Variants in PACRG observed in about 807,000 individuals in gnomAD.
PACRG encodes the protein parkin coregulated.
A neutral mutation model predicts 29.7 loss-of-function variants in PACRG; 29 were observed. That is an observed-to-expected ratio of 0.98 (90% CI 0.73 to 1.33). The LOEUF (loss-of-function observed/expected upper bound fraction) is 1.33, where lower values mean the gene tolerates loss of function less well. PACRG is among the 40% of genes most tolerant of loss of function. PACRG has a pLI of 0.00. For synonymous variants in PACRG, 116 were observed against 118.7 expected (o/e 0.98, Z 0.15); for missense variants, 279 against 316.2 (o/e 0.88, Z 0.89).
chr6:163,174,653 A>G (rs1404235813), intron 4 of PACRG, among the ~76,000 whole-genome samples: 1 of 152,160 alleles, frequency 6.6e-6, no homozygotes, highest in African/African-American at 2.4e-5. Context: ...GAGTTTGTCA[A>G]TCATCATTGT....
intron 2 of PACRG, among the ~76,000 whole-genome samples, chr6:163,017,450 T>A (rs1287810774): frequency 3.3e-5 from 5 of 152,130 alleles, no homozygotes; most frequent in Non-Finnish European, 7.4e-5. Context: ...TACGAATCTC[T>A]TTTGCAGCCT....
At chr6:163,192,093 A>C (rs550732792) in intron 4 of PACRG, 1 of 193,668 alleles carries the variant, frequency 5.2e-6, no homozygotes, top group East Asian at 1.5e-4. Flanking sequence ...CTGCCTCCAG[A>C]GTCTCTGGGG....
At chr6:163,239,388 C>T (rs931855974) in intron 4 of PACRG, among the ~76,000 whole-genome samples, 4 of 152,066 alleles carry the variant, frequency 2.6e-5, no homozygotes, top group South Asian at 2.1e-4. Flanking sequence ...GCTTGCCTGG[C>T]GTCTTGGTTT....
intron 2 of PACRG, among the ~76,000 whole-genome samples, chr6:162,974,665 AATG>A (rs892026993): frequency 2.0e-5 from 3 of 152,186 alleles, no homozygotes; most frequent in Non-Finnish European, 2.9e-5. Flanking sequence ...TTCCTTAAAT[AATG>A]ATGATGATAT....
rs576639728 is a variant in PACRG at position 162,895,118 on chromosome 6, A to T, written c.291+80837A>T. Among the ~76,000 whole-genome samples the T allele has an allele frequency of 5.3e-5, 8 of 151,686 alleles. No individual in the cohort carries two copies. In the South Asian group the frequency reaches 1.5e-3, roughly 28 times the overall value. ...CTCTACCCCCCCGCCCCCAAAAAAA[A>T]ATTTAGCCATGTGTGGTGGCATGCG... On this transcript the variant is annotated intron_variant, in intron 2 of 4. Coordinates refer to ENST00000366888, the MANE Select transcript of PACRG (RefSeq NM_001080379.2).
intron 1 of PACRG, among the ~76,000 whole-genome samples, chr6:162,771,528 G>A (rs1273743773): frequency 6.6e-6 from 1 of 152,056 alleles, no homozygotes; most frequent in Non-Finnish European, 1.5e-5. Context: ...CTTCAGTGCA[G>A]CATCCACTAC....
Position 163,055,959 on chromosome 6 carries a change from C to T in PACRG, c.292-6191C>T, listed in dbSNP as rs1238748155. ...TATGTGGTCTTTTGTGACTGTCCTC[C>T]TTCGCTTAGGAAAATGTTTTCAAGG... On this transcript the variant is annotated intron_variant, in intron 2 of 4. Transcript: ENST00000366888. This position sits in a 1 kb window ranked among gnomAD's most constrained non-coding sequence, Gnocchi z 4.0. Among the ~76,000 whole-genome samples the T allele has an allele frequency of 6.6e-6, 1 of 152,208 alleles. No homozygotes were observed. Among genetic ancestry groups the T allele is most frequent in the Non-Finnish European group, 1.5e-5 (1 of 68,048 alleles).
intron 4 of PACRG, among the ~76,000 whole-genome samples, chr6:163,206,721 A>G (rs899052593): frequency 7.1e-6 from 1 of 140,836 alleles, no homozygotes; most frequent in Non-Finnish European, 1.5e-5. Context: ...CAAAAAAGAA[A>G]TATTTCTCAG....
At chr6:163,001,200 G>A (rs1804558203) in intron 2 of PACRG, among the ~76,000 whole-genome samples, 1 of 152,234 alleles carries the variant, frequency 6.6e-6, no homozygotes, top group Non-Finnish European at 1.5e-5. Flanking sequence ...TAACCTATTT[G>A]ATGCACTGTC....
chr6:163,166,137 C>T, intron 4 of PACRG: 2 of 456,196 alleles, frequency 4.4e-6, no homozygotes, highest in South Asian at 3.1e-5. Flanking sequence ...TTCTGGGCAG[C>T]GTCGCTTGCG....
chr6:163,208,231 A>G (rs1780987443), intron 4 of PACRG, among the ~76,000 whole-genome samples: 1 of 152,222 alleles, frequency 6.6e-6, no homozygotes, highest in South Asian at 2.1e-4. Context: ...TCTGTAAAGA[A>G]CTGAAACCAC....
intron 1 of PACRG, among the ~76,000 whole-genome samples, chr6:162,786,228 CTGGG>C (rs910384583): frequency 1.3e-5 from 2 of 152,124 alleles, no homozygotes; most frequent in Non-Finnish European, 2.9e-5. Context: ...TAAACAGTGC[CTGGG>C]TGGGATTGTG....
intron 1 of PACRG, among the ~76,000 whole-genome samples, chr6:162,757,662 G>A (rs1039194392): frequency 6.6e-6 from 1 of 152,042 alleles, no homozygotes; most frequent in Admixed American, 6.6e-5. Context: ...AGCTGAGATG[G>A]TGCCACTGCA....
chr6:163,116,508 TGA>T (rs1385886614), intron 4 of PACRG, among the ~76,000 whole-genome samples: 2 of 152,130 alleles, frequency 1.3e-5, no homozygotes, highest in African/African-American at 4.8e-5. Context: ...TTGGAGTGAT[TGA>T]GAGAGTCAGA....
intron 1 of PACRG, among the ~76,000 whole-genome samples, chr6:162,800,849 G>A (rs1488815083): frequency 6.6e-6 from 1 of 152,048 alleles, no homozygotes; most frequent in African/African-American, 2.4e-5. Flanking sequence ...TAAAGACTCC[G>A]TAGGATGCTC....
At chr6:163,269,244 G>C (rs9365546) in intron 4 of PACRG, among the ~76,000 whole-genome samples, 53,719 of 152,034 alleles carry the variant, frequency 0.35, 9,779 homozygotes, top group Non-Finnish European at 0.39. Context: ...CACATGCTTA[G>C]TTTCTCTTTA....
chr6:162,980,358 C>T (rs1802309389), intron 2 of PACRG, among the ~76,000 whole-genome samples: 1 of 152,014 alleles, frequency 6.6e-6, no homozygotes, highest in Admixed American at 6.6e-5. Context: ...AATGTTTATT[C>T]CTCTGGCTTT....
rs142480990 is a variant in PACRG at position 162,955,934 on chromosome 6, C to T, written c.292-106216C>T. Among the ~76,000 whole-genome samples the T allele has an allele frequency of 4.9e-4, 74 of 152,236 alleles. 1 individual carries two copies. In the East Asian group the frequency reaches 0.014, roughly 28 times the overall value. ...ACACATGCCTGGGGGGACAGCTGGG[C>T]TCCATTGGCAGGTGGGAGCAGCCTG... On this transcript the variant is annotated intron_variant, in intron 2 of 4. Transcript: ENST00000366888.
chr6:162,799,272 A>G (rs1437603954), intron 1 of PACRG, among the ~76,000 whole-genome samples: 1 of 152,242 alleles, frequency 6.6e-6, no homozygotes, highest in Non-Finnish European at 1.5e-5. Flanking sequence ...TGAATAGTGA[A>G]AGATGCATTA....
Sources: gnomAD v4.1 joint callset for allele counts (sites outside exome capture counted in the v4.1 genomes callset) on GRCh38, gnomAD v4.1.1 for gene constraint, Gnocchi (gnomAD v3.1) non-coding constraint, MANE v1.5 for transcripts, NCBI Gene and HGNC (gene_info 2026-07-23, HGNC 2026-07-21) for gene names.